Variants in TEP1 observed in about 807,000 individuals in gnomAD.
TEP1 encodes telomerase associated protein 1, also known as telomerase protein component 1.
In TEP1, 241 loss-of-function variants were observed where a neutral mutation model predicts 306.3. The ratio of observed to expected loss-of-function variants is 0.79; its 90% CI spans 0.71 to 0.88. The LOEUF is 0.88. Among genes scored for constraint, TEP1 ranks in the 40% least tolerant of loss-of-function variants. The pLI is 0.00. For synonymous variants in TEP1, 1,289 were observed against 1,305.5 expected (o/e 0.99, Z 0.27); for missense variants, 3,051 against 3,276.1 (o/e 0.93, Z 1.68).
At chr14:20,404,811 C>T (rs763593276) in intron 4 of TEP1, 39 bp from the exon 5 acceptor site, 1 of 1,557,560 alleles carries the variant, frequency 6.4e-7, no homozygotes, top group Non-Finnish European at 8.7e-7. Flanking sequence ...CTCAGTCACT[C>T]CTCCCGTAGC....
At chr14:20,406,770 T>G (rs754790377) in intron 2 of TEP1, among the ~76,000 whole-genome samples, 9 of 152,242 alleles carry the variant, frequency 5.9e-5, no homozygotes, top group African/African-American at 9.6e-5. Flanking sequence ...CCAGCAGCCT[T>G]GGGCTGCTTA....
At position 20,410,020 on chromosome 14, in the gene TEP1, C is replaced by CAAAAAAAAAAAAAAA. The variant is rs570672845; in HGVS notation, c.-24-1572_-24-1558dup. Among the ~76,000 whole-genome samples, 39 of 58,954 alleles carry CAAAAAAAAAAAAAAA rather than the reference C, an allele frequency of 6.6e-4. 1 individual carries two copies. Among genetic ancestry groups the CAAAAAAAAAAAAAAA allele is most frequent in the South Asian group, 7.6e-4 (1 of 1,312 alleles). 38.7% of individuals were successfully genotyped at this position (58,954 alleles called of 152,430 possible). ...TGGGCGACAGAGCAAGACTCTGTCT[C>CAAAAAAAAAAAAAAA]AAAAAAAAAAAAAAAAAAAAAAAAA... On this transcript the variant is annotated intron_variant, in intron 1 of 54. Coordinates refer to ENST00000262715, the MANE Select transcript of TEP1 (RefSeq NM_007110.5).
intron 7 of TEP1, among the ~76,000 whole-genome samples, chr14:20,401,855 T>C (rs182637714): frequency 1.3e-5 from 2 of 152,196 alleles, no homozygotes; most frequent in East Asian, 1.9e-4. Flanking sequence ...AAGGTGGGGA[T>C]AGAATGAACA....
chr14:20,374,025 C>T (rs767738893), intron 44 of TEP1, among the ~76,000 whole-genome samples: 1 of 152,044 alleles, frequency 6.6e-6, no homozygotes, highest in Non-Finnish European at 1.5e-5. Context: ...TCTCCTCTCT[C>T]CCTTTACACC....
intron 24 of TEP1, 30 bp from the exon 25 acceptor site, chr14:20,383,948 C>A: frequency 1.3e-6 from 2 of 1,591,948 alleles, no homozygotes; most frequent in South Asian, 2.2e-5. Flanking sequence ...AAAACATGGT[C>A]ACATTTTACA....
At chr14:20,405,726 G>A (rs1879122763) in intron 3 of TEP1, 141 bp from the exon 4 acceptor site, 1 of 1,025,732 alleles carries the variant, frequency 9.7e-7, no homozygotes, top group Non-Finnish European at 1.4e-6. Context: ...TACAAAAGGG[G>A]ATTAGGGCCA....
In TEP1 at chr14:20,403,185, A is replaced by C. The variant is rs1253874869; in HGVS notation, c.1266+192T>G. Among the ~76,000 whole-genome samples the C allele has an allele frequency of 2.0e-5, 3 of 150,418 alleles. No individual in the cohort carries two copies. The East Asian group carries it at 5.8e-4, about 29-fold the overall frequency. On this transcript the variant is annotated intron_variant, in intron 7 of 54. Transcript: ENST00000262715. ...AAAAAAAAAAAAAAAAAAAAAATAC[A>C]ATACCAAGGAGAGTGAAGTGAAAAA...
In TEP1 at chr14:20,375,858, C is replaced by G; in HGVS notation, c.6260G>C (p.Cys2087Ser). ...GGTTTTGGGTGTCCTCACGTCCCAG[C>G]AGAGGAGACTCTGGATAGGCCCCAA... ...ATGGRDRSLLCWDVRTPKTPV... is the reference protein window; with the variant it reads ...ATGGRDRSLLSWDVRTPKTPV... Residue 2087 changes from cysteine to serine, a missense_variant, in exon 43 of 55, where the codon TGC (cysteine) becomes TCC (serine). Cys to Ser is a moderately radical substitution (Grantham distance 112). This residue lies in a region of TEP1 where 1,540 missense variants were observed against 1,705.9 expected (regional missense o/e 0.90). Transcript: ENST00000262715. 1.2e-6 allele frequency: 2 copies of G among 1,611,940 alleles called. No homozygotes were observed. Among genetic ancestry groups the G allele is most frequent in the South Asian group, 1.1e-5 (1 of 91,004 alleles).
chr14:20,381,778 A>T lies in TEP1; in HGVS notation c.4425-92T>A. The T allele has an allele frequency of 6.5e-7, 1 of 1,532,614 alleles. No individual in the cohort carries two copies. The highest frequency in any genetic ancestry group is 2.1e-5 in the Admixed American group (1 of 46,990). 94.9% of individuals were successfully genotyped at this position (1,532,614 alleles called of 1,614,324 possible). A position where few individuals can be genotyped will look rare whatever the true frequency, so the allele number is the denominator to read the frequency against. ...GTGGGCTCCTATTCCCCCCTCAAAT[A>T]GCGGAAACTGGAGCAGCTGGAGCAG... On this transcript the variant is annotated intron_variant, in intron 30 of 54. Coordinates refer to ENST00000262715, the MANE Select transcript of TEP1 (RefSeq NM_007110.5). The surrounding 1 kb of genome is among the most constrained non-coding windows in gnomAD (Gnocchi z 4.0).
At position 20,366,120 on chromosome 14, in the gene TEP1, C is replaced by G. The variant is rs1884462539; in HGVS notation, c.*2317G>C. ...TTGACTTTACTCATAACAATTATAC[C>G]ATGACCTCACTGTCCTTCTCCAAGA... On this transcript the variant is annotated 3_prime_UTR_variant, in exon 55 of 55. Coordinates refer to ENST00000262715, the MANE Select transcript of TEP1 (RefSeq NM_007110.5). The G allele has an allele frequency of 6.6e-6, 1 of 152,200 alleles. No homozygotes were observed. Among genetic ancestry groups the G allele is most frequent in the Non-Finnish European group, 1.5e-5 (1 of 68,036 alleles). The allele number at this position is 152,200 out of a possible 1,614,324, so 9.4% of individuals were successfully genotyped here. A position where few individuals can be genotyped will look rare whatever the true frequency, so the allele number is the denominator to read the frequency against.
chr14:20,393,089 T>G (rs188831195), intron 12 of TEP1, among the ~76,000 whole-genome samples: 1 of 151,820 alleles, frequency 6.6e-6, no homozygotes, highest in African/African-American at 2.4e-5. Flanking sequence ...TGGTGGTGGG[T>G]GCCTGCAGTC....
intron 15 of TEP1, 128 bp from the exon 16 acceptor site, chr14:20,389,868 T>C (rs1332571403): frequency 2.8e-5 from 35 of 1,247,772 alleles, no homozygotes; most frequent in East Asian, 1.7e-4. Flanking sequence ...TGAGAGCACA[T>C]AGAATGAGGG....
At chr14:20,390,462 G>C (rs1479550690) in intron 15 of TEP1, among the ~76,000 whole-genome samples, 1 of 152,134 alleles carries the variant, frequency 6.6e-6, no homozygotes, top group Non-Finnish European at 1.5e-5. Context: ...TTACACCATG[G>C]AAATTTAGCA....
intron 17 of TEP1, 63 bp from the exon 18 acceptor site, chr14:20,388,126 C>A: frequency 6.3e-7 from 1 of 1,576,038 alleles, no homozygotes; most frequent in Admixed American, 1.7e-5. Context: ...TGAGGTCTTC[C>A]GAAAAGGGCA....
intron 12 of TEP1, 62 bp from the exon 13 acceptor site, chr14:20,391,829 C>A: frequency 6.4e-7 from 1 of 1,563,140 alleles, no homozygotes; most frequent in Non-Finnish European, 8.7e-7. Flanking sequence ...TAGAGGCAGA[C>A]GGGGAGATGA....
At chr14:20,375,101 A>C (rs961397543) in intron 43 of TEP1, among the ~76,000 whole-genome samples, 5 of 151,866 alleles carry the variant, frequency 3.3e-5, no homozygotes, top group Non-Finnish European at 7.4e-5. Context: ...CAAAACAAAA[A>C]AAAAAAAAAG....
Position 20,408,205 on chromosome 14 carries a change from T to C in TEP1, c.235A>G (p.Asn79Asp), listed in dbSNP as rs1047279364. The change falls in exon 2 of 55, where the codon AAC (asparagine) becomes GAC (aspartate). Residue 79 changes from asparagine to aspartate, a missense_variant. Physicochemically the swap from Asn to Asp is conservative, Grantham distance 23. Transcript: ENST00000262715. ...SAHPDILSLE[N>D]QCLATLSDLK... is the part of the protein sequence containing the mutation. ...TCAGAAAGTGTGGCCAGGCACTGGT[T>C]CTCCAAGGAGAGGATGTCTGGGTGG... 6.2e-7 allele frequency: 1 copy of C among 1,613,472 alleles called. No individual in the cohort carries two copies. The highest frequency in any genetic ancestry group is 8.5e-7 in the Non-Finnish European group (1 of 1,179,516).
chr14:20,378,542 G>GA lies in TEP1; in HGVS notation c.5353-8dup. 6.2e-7 allele frequency: 1 copy of GA among 1,614,080 alleles called. No homozygotes were observed. Among genetic ancestry groups the GA allele is most frequent in the South Asian group, 1.1e-5 (1 of 91,082 alleles). Reference sequence around the variant, plus strand: ...CACGGACTGTGTCCCACAGCTGAGGGAGAGAGAGGAGGAATCAGGATGCTG... The same window carrying GA: ...CACGGACTGTGTCCCACAGCTGAGGGAAGAGAGAGGAGGAATCAGGATGCTG... On this transcript the variant is annotated splice_region_variant and splice_polypyrimidine_tract_variant and intron_variant, in intron 37 of 54. Coordinates refer to ENST00000262715, the MANE Select transcript of TEP1 (RefSeq NM_007110.5).
At chr14:20,404,482 C>T (rs1471467255) in intron 5 of TEP1, 129 bp downstream of exon 5, 2 of 1,197,482 alleles carry the variant, frequency 1.7e-6, no homozygotes, top group Non-Finnish European at 2.3e-6. Flanking sequence ...AGAAGCTGTC[C>T]TGTCTGGGCA....
Sources: gnomAD v4.1 joint callset for allele counts (sites outside exome capture counted in the v4.1 genomes callset) on GRCh38, gnomAD v4.1.1 for gene constraint, gnomAD v4.1.1 regional missense constraint, Gnocchi (gnomAD v3.1) non-coding constraint, MANE v1.5 for transcripts, NCBI Gene and HGNC (gene_info 2026-07-23, HGNC 2026-07-21) for gene names.